The following ANKS1B variants were observed in gnomAD, a reference collection of about 807,000 sequenced individuals.
ANKS1B encodes the protein ankyrin repeat and sterile alpha motif domain containing 1B.
Under a neutral mutation model 148.3 loss-of-function variants are expected in ANKS1B, and 36 were observed. The observed-to-expected ratio is 0.24, with a 90% CI of 0.19 to 0.32. The LOEUF is 0.32. ANKS1B is among the 10% of genes least tolerant of loss of function. ANKS1B has a pLI of 1.00. For missense variants in ANKS1B, 1,157 were observed against 1,542.6 expected, an observed-to-expected ratio of 0.75 and a Z score of 4.19; for synonymous variants, 542 against 560.8, an observed-to-expected ratio of 0.97 and a Z score of 0.47.
At chr12:99,228,862 T>C (rs1485249973) in intron 14 of ANKS1B, among the ~76,000 whole-genome samples, 1 of 152,010 alleles carries the variant, frequency 6.6e-6, no homozygotes, top group Non-Finnish European at 1.5e-5. Context: ...AAATTTTACC[T>C]TATTTTCAGC....
intron 14 of ANKS1B, among the ~76,000 whole-genome samples, chr12:99,175,668 C>T (rs1012123020): frequency 2.6e-5 from 4 of 152,018 alleles, no homozygotes; most frequent in Non-Finnish European, 4.4e-5. Flanking sequence ...ACCATTAATA[C>T]AGGAAAAAAT....
chr12:99,398,551 A>T (rs1409422413), intron 12 of ANKS1B, among the ~76,000 whole-genome samples: 1 of 152,182 alleles, frequency 6.6e-6, no homozygotes. Flanking sequence ...GAATTAGGTC[A>T]TTCTTGTTAT....
At chr12:99,082,479 T>C (rs192429776) in intron 16 of ANKS1B, among the ~76,000 whole-genome samples, 2 of 152,282 alleles carry the variant, frequency 1.3e-5, no homozygotes, top group Non-Finnish European at 2.9e-5. Flanking sequence ...GGAAATTCAC[T>C]GGAGAATTGA....
rs1476498909 is a variant in ANKS1B, at chr12:99,731,670, A to G, written c.1128+41252T>C. 2.6e-5 allele frequency among the ~76,000 whole-genome samples: 4 copies of G among 152,184 alleles called. 1 individual carries two copies. Among genetic ancestry groups the G allele is most frequent in the African/African-American group, 4.8e-5 (2 of 41,436 alleles). The stretch of plus-strand genomic sequence containing the variant: ...ACCATATGCAAAATAATTTGGAATG[A>G]ATTACAGCCTAAAATATGAGTCAAA... On this transcript the variant is annotated intron_variant, in intron 8 of 26. Transcript: ENST00000683438.
intron 16 of ANKS1B, among the ~76,000 whole-genome samples, chr12:99,075,739 T>C (rs913939650): frequency 6.6e-6 from 1 of 150,490 alleles, no homozygotes; most frequent in Non-Finnish European, 1.5e-5. Flanking sequence ...ATGACATTTG[T>C]CTATTGTATA....
chr12:99,274,919 T>C (rs764193294), intron 12 of ANKS1B, among the ~76,000 whole-genome samples: 8 of 152,220 alleles, frequency 5.3e-5, no homozygotes, highest in Non-Finnish European at 1.0e-4. Flanking sequence ...ACAGGACTTC[T>C]CCACATGGCT....
intron 14 of ANKS1B, among the ~76,000 whole-genome samples, chr12:99,232,474 G>A (rs541338816): frequency 3.2e-4 from 49 of 152,318 alleles, no homozygotes; most frequent in African/African-American, 1.1e-3. Context: ...GTATTGTGAA[G>A]CCTGAGCGCT....
intron 19 of ANKS1B, among the ~76,000 whole-genome samples, chr12:98,820,823 C>T (rs1434907659): frequency 2.0e-5 from 3 of 152,124 alleles, no homozygotes; most frequent in Non-Finnish European, 4.4e-5. Context: ...ATTTCCAAGT[C>T]AGTGAAGAGG....
intron 15 of ANKS1B, among the ~76,000 whole-genome samples, chr12:99,141,232 G>A (rs1292692657): frequency 2.6e-5 from 4 of 151,994 alleles, no homozygotes; most frequent in African/African-American, 9.7e-5. Context: ...AGCTATTAGT[G>A]TATTTCCGTA....
At chr12:98,813,972 C>T (rs1566805081) in intron 19 of ANKS1B, among the ~76,000 whole-genome samples, 1 of 152,232 alleles carries the variant, frequency 6.6e-6, no homozygotes, top group East Asian at 1.9e-4. Flanking sequence ...CCTCTGCCTC[C>T]CGGGTTCAAG....
intron 12 of ANKS1B, among the ~76,000 whole-genome samples, chr12:99,361,397 GCTTTATT>G (rs2092449432): frequency 6.6e-6 from 1 of 152,006 alleles, no homozygotes; most frequent in Admixed American, 6.6e-5. Context: ...CATTTCAAAC[GCTTTATT>G]AAGTAACTCC....
chr12:99,715,116 A>G (rs1028683050), intron 8 of ANKS1B, among the ~76,000 whole-genome samples: 3 of 151,752 alleles, frequency 2.0e-5, no homozygotes, highest in African/African-American at 7.3e-5. Context: ...GCAACAGAGC[A>G]AGAGTCCATC....
chr12:99,439,459 T>C (rs1305428624), intron 11 of ANKS1B, among the ~76,000 whole-genome samples: 1 of 151,000 alleles, frequency 6.6e-6, no homozygotes, highest in Non-Finnish European at 1.5e-5. Flanking sequence ...TTACTACAAA[T>C]AAACAATCAC....
chr12:99,254,050 G>T (rs1361337294), intron 12 of ANKS1B, among the ~76,000 whole-genome samples: 1 of 152,112 alleles, frequency 6.6e-6, no homozygotes, highest in Non-Finnish European at 1.5e-5. Flanking sequence ...ACCCTTCCAG[G>T]CTGAAGAAAA....
rs2097025505 is a variant in ANKS1B, at chr12:99,533,476, C to A, written c.1273-28835G>T. Reference sequence around the variant, plus strand: ...TTTTCAAGGTATAAGATCATATCATCAGCAAAAGAAGATAGTTTGGCTTCC... The same window carrying A: ...TTTTCAAGGTATAAGATCATATCATAAGCAAAAGAAGATAGTTTGGCTTCC... On this transcript the variant is annotated intron_variant, in intron 9 of 26. Transcript: ENST00000683438. Among the ~76,000 whole-genome samples, 4 of 152,112 alleles carry A rather than the reference C, an allele frequency of 2.6e-5. 1 individual carries two copies. In the South Asian group the frequency reaches 6.2e-4, roughly 24 times the overall value.
At chr12:99,798,208 T>C (rs2066480660) in intron 4 of ANKS1B, among the ~76,000 whole-genome samples, 1 of 151,826 alleles carries the variant, frequency 6.6e-6, no homozygotes, top group African/African-American at 2.4e-5. Flanking sequence ...ATAACAATTA[T>C]GATAAGCAAT....
At chr12:99,839,700 T>C (rs2085403184) in intron 1 of ANKS1B, among the ~76,000 whole-genome samples, 1 of 152,292 alleles carries the variant, frequency 6.6e-6, no homozygotes, top group Admixed American at 6.5e-5. Context: ...AAATGAGTAC[T>C]ATAATTACTA....
intron 15 of ANKS1B, among the ~76,000 whole-genome samples, chr12:99,121,673 T>C (rs945837612): frequency 6.6e-6 from 1 of 152,120 alleles, no homozygotes; most frequent in African/African-American, 2.4e-5. Context: ...AAGTTAATAA[T>C]AACCATAGCC....
chr12:99,812,990 C>T (rs1377129624), intron 2 of ANKS1B, among the ~76,000 whole-genome samples: 2 of 151,714 alleles, frequency 1.3e-5, no homozygotes, highest in African/African-American at 4.8e-5. Flanking sequence ...TTAATAACTT[C>T]TCAGTGATGG....
Sources: gnomAD v4.1 joint callset for allele counts (sites outside exome capture counted in the v4.1 genomes callset) on GRCh38, gnomAD v4.1.1 for gene constraint, MANE v1.5 for transcripts, NCBI Gene and HGNC (gene_info 2026-07-23, HGNC 2026-07-21) for gene names.